Variants in PROX2 observed in about 807,000 individuals in gnomAD.
PROX2 encodes the protein prospero homeobox protein 2.
In PROX2, 46 loss-of-function variants were observed where a neutral mutation model predicts 48.9. That is an observed-to-expected ratio of 0.94 (90% CI 0.74 to 1.20). The LOEUF (loss-of-function observed/expected upper bound fraction) is 1.20, where lower values mean the gene tolerates loss of function less well. PROX2 is among the 50% of genes most tolerant of loss of function. The pLI, the probability that PROX2 is intolerant of heterozygous loss-of-function variation, is 0.00. For missense variants in PROX2, 663 were observed against 719.4 expected (o/e 0.92, Z 0.90); for synonymous variants, 260 against 276.6 (o/e 0.94, Z 0.60).
Position 74,854,140 on chromosome 14 carries a change from T to C in PROX2, c.*992A>G. 2.8e-6 allele frequency: 1 copy of C among 356,216 alleles called. No individual in the cohort carries two copies. The highest frequency in any genetic ancestry group is 5.7e-6 in the Non-Finnish European group (1 of 175,812). The allele number at this position is 356,216 out of a possible 1,614,324, so 22.1% of individuals were successfully genotyped here. ...GGCCAGATGATCTCCTAAGGCCCTT[T>C]CTACCTTTCACAGTCTGAAGTTCAG... On this transcript the variant is annotated 3_prime_UTR_variant, in exon 6 of 6. Transcript: ENST00000556489.
chr14:74,856,665 A>G (rs771198435), intron 5 of PROX2, 136 bp downstream of exon 5: 252 of 679,324 alleles, frequency 3.7e-4, no homozygotes, highest in South Asian at 1.6e-3. Flanking sequence ...ATCTTTGTGG[A>G]TGATACAGAG....
chr14:74,868,434 C>T (rs1883129627), intron 2 of PROX2, among the ~76,000 whole-genome samples: 1 of 147,210 alleles, frequency 6.8e-6, no homozygotes, highest in Non-Finnish European at 1.5e-5. Context: ...GAATATCAAT[C>T]TACAGCAACG....
chr14:74,865,383 T>C (rs1374529428), intron 2 of PROX2: 1 of 152,204 alleles, frequency 6.6e-6, no homozygotes, highest in African/African-American at 2.4e-5. Flanking sequence ...CAGTGTGTGA[T>C]ACCTGCTGTG....
At chr14:74,870,755 C>A (rs1883192795) in intron 2 of PROX2, among the ~76,000 whole-genome samples, 1 of 151,978 alleles carries the variant, frequency 6.6e-6, no homozygotes, top group African/African-American at 2.4e-5. Flanking sequence ...AAAATAAAGT[C>A]TAGGCCGGGC....
chr14:74,857,575 C>A (rs2091754220), intron 4 of PROX2: 1 of 152,566 alleles, frequency 6.6e-6, no homozygotes, highest in Non-Finnish European at 1.5e-5. Flanking sequence ...CCCTCAGAAA[C>A]CTTTTATGGG....
intron 3 of PROX2, among the ~76,000 whole-genome samples, chr14:74,860,904 AT>A (rs149654773): frequency 0.011 from 1,632 of 152,304 alleles, 36 homozygotes; most frequent in African/African-American, 0.038. Context: ...AGCTGTCTGA[AT>A]TTAATGGAGA....
chr14:74,866,475 C>G (rs1337504068), intron 2 of PROX2, among the ~76,000 whole-genome samples: 1 of 152,124 alleles, frequency 6.6e-6, no homozygotes, highest in African/African-American at 2.4e-5. Flanking sequence ...TGGCATCAAC[C>G]AAGGCAACTG....
chr14:74,871,900 G>C (rs1287359026), intron 1 of PROX2: 2 of 152,334 alleles, frequency 1.3e-5, no homozygotes, highest in African/African-American at 4.8e-5. Context: ...CACCTGCACA[G>C]ATCACCTCCT....
At chr14:74,861,470 A>G (rs1221682802) in intron 3 of PROX2, among the ~76,000 whole-genome samples, 1 of 152,176 alleles carries the variant, frequency 6.6e-6, no homozygotes, top group East Asian at 1.9e-4. Context: ...GTATTTCCCC[A>G]AGGTACTTTT....
chr14:74,870,315 A>G (rs1169672125), intron 2 of PROX2, among the ~76,000 whole-genome samples: 1 of 151,354 alleles, frequency 6.6e-6, no homozygotes, highest in East Asian at 1.9e-4. Context: ...AGTCTCAGCT[A>G]CTAGGGAGGC....
At chr14:74,859,276 C>G (rs1305170970) in intron 3 of PROX2, 2 of 152,204 alleles carry the variant, frequency 1.3e-5, no homozygotes, top group Non-Finnish European at 2.9e-5. Flanking sequence ...ACTCTTTGTA[C>G]AAACTGTTGC....
intron 3 of PROX2, chr14:74,861,119 C>CG: frequency 9.6e-6 from 9 of 934,740 alleles, no homozygotes; most frequent in Non-Finnish European, 1.2e-5. Flanking sequence ...ATTTAGGACA[C>CG]AAAGGCAGGT....
At chr14:74,858,726 G>A (rs2091767346) in intron 3 of PROX2, 2 of 515,210 alleles carry the variant, frequency 3.9e-6, no homozygotes, top group South Asian at 4.8e-5. Flanking sequence ...AAATCATCTC[G>A]ATGTGGAAAA....
Position 74,855,265 on chromosome 14 carries a change from A to G in PROX2, c.1646T>C (p.Leu549Ser). 6.4e-7 allele frequency: 1 copy of G among 1,566,488 alleles called. No individual in the cohort carries two copies. The highest frequency in any genetic ancestry group is 8.7e-7 in the Non-Finnish European group (1 of 1,147,072). Reference sequence around the variant, plus strand: ...GGAGACAGCCCTGAAGAACTCCTGTAACGTCAAGCTGGCAATTTCCAAGAA... The same window carrying G: ...GGAGACAGCCCTGAAGAACTCCTGTGACGTCAAGCTGGCAATTTCCAAGAA... ...DCFLEIASLT[L>S]QEFFRAVSAG... The change falls in exon 6 of 6, where the codon TTA becomes TCA. Residue 549 changes from leucine to serine, a missense_variant. Coordinates refer to ENST00000556489, the MANE Select transcript of PROX2 (RefSeq NM_001243007.2).
intron 2 of PROX2, among the ~76,000 whole-genome samples, chr14:74,866,264 C>T (rs1883060187): frequency 6.6e-6 from 1 of 151,902 alleles, no homozygotes; most frequent in African/African-American, 2.4e-5. Flanking sequence ...TCTCGAAAAA[C>T]AAAAAACAAA....
rs1883283239 is a variant in PROX2, at chr14:74,874,184, C to T, written c.-310+1711G>A. On this transcript the variant is annotated intron_variant, in intron 1 of 5. Coordinates refer to ENST00000556489, the MANE Select transcript of PROX2 (RefSeq NM_001243007.2). ...CTCAGAGAACATGTTGAAAAGAAAG[C>T]TGCAGAATGGGAAATCAAGATAGAT... The T allele has an allele frequency of 6.3e-6, 3 of 475,746 alleles. No homozygotes were observed. In the Admixed American group the frequency reaches 7.1e-5, roughly 11 times the overall value. 29.5% of individuals were successfully genotyped at this position (475,746 alleles called of 1,614,324 possible).
In PROX2 at chr14:74,868,402, T is replaced by G. The variant is rs575218425; in HGVS notation, c.-175+2701A>C. Among the ~76,000 whole-genome samples the G allele has an allele frequency of 2.3e-4, 33 of 146,638 alleles. No individual in the cohort carries two copies. In the East Asian group the frequency reaches 5.9e-3, roughly 26 times the overall value. On this transcript the variant is annotated intron_variant, in intron 2 of 5. Transcript: ENST00000556489. ...ATAGATATATAGTTTTATGCCTCCA[T>G]TTTTAAATCTTTCATGTGGATGAAT...
intron 1 of PROX2, among the ~76,000 whole-genome samples, 158 bp from the exon 2 acceptor site, chr14:74,871,395 G>A (rs1164507501): frequency 6.6e-6 from 1 of 152,048 alleles, no homozygotes; most frequent in Non-Finnish European, 1.5e-5. Flanking sequence ...TAGAACACAG[G>A]GCTTATAAGA....
chr14:74,867,991 G>A (rs1308490776), intron 2 of PROX2, among the ~76,000 whole-genome samples: 1 of 152,148 alleles, frequency 6.6e-6, no homozygotes, highest in Non-Finnish European at 1.5e-5. Flanking sequence ...CTGTGCTGAG[G>A]CCGGCGTGCT....
Sources: allele counts gnomAD v4.1 joint callset (sites outside exome capture counted in the v4.1 genomes callset), GRCh38; gene constraint gnomAD v4.1.1; transcripts MANE v1.5; gene names NCBI Gene and HGNC (gene_info 2026-07-23, HGNC 2026-07-21).